LAMA2: variants seen among roughly 807,000 people sequenced by gnomAD.
LAMA2 encodes the protein laminin subunit alpha 2, also known as laminin subunit alpha-2.
LAMA2 carries 269 observed loss-of-function variants against 364.8 expected under a neutral mutation model. The observed-to-expected ratio is 0.74, with a 90% confidence interval of 0.67 to 0.82. The LOEUF (loss-of-function observed/expected upper bound fraction) is 0.82, where lower values mean the gene tolerates loss of function less well. LAMA2 is among the 40% of genes least tolerant of loss of function. The pLI, the probability that LAMA2 is intolerant of heterozygous loss-of-function variation, is 0.00. For synonymous variants in LAMA2, 1,379 were observed against 1,370.6 expected (o/e 1.01, Z -0.14); for missense variants, 3,807 against 3,873.2 (o/e 0.98, Z 0.45).
chr6:128,961,318 GAT>G lies in LAMA2; in HGVS notation c.112+78010_112+78011del, dbSNP rs58772123. Among the ~76,000 whole-genome samples, 175 of 57,552 alleles carry G rather than the reference GAT, an allele frequency of 3.0e-3. 2 individuals are homozygous for G. Among genetic ancestry groups the G allele is most frequent in the Middle Eastern group, 8.6e-3 (1 of 116 alleles). The allele number at this position is 57,552 out of a possible 152,430, so 37.8% of individuals were successfully genotyped here. On this transcript the variant is annotated intron_variant, in intron 1 of 64. Coordinates refer to ENST00000421865, the MANE Select transcript of LAMA2 (RefSeq NM_000426.4). ...TTCTGTAGAGGGACAGAACTAATAT[GAT>G]ATATATATATATATATATATATATA...
intron 1 of LAMA2, among the ~76,000 whole-genome samples, chr6:128,910,430 G>A (rs1464147352): frequency 2.6e-5 from 4 of 151,938 alleles, no homozygotes; most frequent in East Asian, 1.9e-4. Flanking sequence ...TGATCGCATC[G>A]GCTCCTGAGG....
intron 14 of LAMA2, among the ~76,000 whole-genome samples, chr6:129,253,554 A>G (rs547980348): frequency 1.3e-5 from 2 of 152,272 alleles, no homozygotes; most frequent in Non-Finnish European, 2.9e-5. Flanking sequence ...AATGCCATGG[A>G]GATGAGAAGC....
At chr6:129,380,984 GAC>G (rs1300623874) in intron 34 of LAMA2, among the ~76,000 whole-genome samples, 1 of 152,136 alleles carries the variant, frequency 6.6e-6, no homozygotes, top group African/African-American at 2.4e-5. Flanking sequence ...ATTTAAAAGA[GAC>G]AGTGTATGAT....
At chr6:129,065,759 A>G (rs1392254008) in intron 3 of LAMA2, among the ~76,000 whole-genome samples, 4 of 152,296 alleles carry the variant, frequency 2.6e-5, no homozygotes, top group South Asian at 4.1e-4. Flanking sequence ...TTGTACTCCA[A>G]TAATTCCCAT....
chr6:129,144,321 A>G (rs1417656078), intron 5 of LAMA2, among the ~76,000 whole-genome samples: 1 of 151,940 alleles, frequency 6.6e-6, no homozygotes, highest in Non-Finnish European at 1.5e-5. Context: ...AGCCTTCTCA[A>G]ACTTTAATTT....
chr6:129,051,661 TATA>T (rs1460299315), intron 2 of LAMA2, among the ~76,000 whole-genome samples: 1 of 39,272 alleles, frequency 2.5e-5, no homozygotes, highest in Non-Finnish European at 4.9e-5. Flanking sequence ...TTTACATATC[TATA>T]GATCGATCTA....
chr6:129,445,128 T>G (rs1014774413), intron 44 of LAMA2, among the ~76,000 whole-genome samples: 31 of 152,214 alleles, frequency 2.0e-4, no homozygotes, highest in Admixed American at 5.9e-4. Context: ...TTTAATTAAA[T>G]GTAGGCCTTT....
intron 2 of LAMA2, among the ~76,000 whole-genome samples, chr6:129,055,835 G>A (rs1398990786): frequency 1.3e-5 from 2 of 152,198 alleles, no homozygotes; most frequent in Non-Finnish European, 2.9e-5. Flanking sequence ...CCCTTGGATT[G>A]ACTTGCATAT....
At chr6:129,353,908 A>C (rs1382126553) in intron 32 of LAMA2, among the ~76,000 whole-genome samples, 1 of 152,214 alleles carries the variant, frequency 6.6e-6, no homozygotes, top group East Asian at 1.9e-4. Flanking sequence ...AGTGGAGAGC[A>C]GTTTGCTCTC....
intron 36 of LAMA2, among the ~76,000 whole-genome samples, chr6:129,392,368 C>T (rs1336460655): frequency 2.0e-5 from 3 of 152,116 alleles, no homozygotes; most frequent in Non-Finnish European, 2.9e-5. Context: ...GATTGTCAGA[C>T]CCCCTCCCAG....
At chr6:129,309,071 A>C (rs1774053433) in intron 22 of LAMA2, among the ~76,000 whole-genome samples, 1 of 152,218 alleles carries the variant, frequency 6.6e-6, no homozygotes, top group African/African-American at 2.4e-5. Context: ...ATTTATGAGC[A>C]TGTGTTTTAC....
chr6:129,300,924 TG>T (rs773473990), intron 22 of LAMA2, 52 bp downstream of exon 22: 33 of 1,524,386 alleles, frequency 2.2e-5, no homozygotes, highest in Non-Finnish European at 2.8e-5. Context: ...ATTTTTGTTT[TG>T]TAGAGCTCTG....
intron 7 of LAMA2, among the ~76,000 whole-genome samples, chr6:129,151,467 C>T (rs80170084): frequency 7.8e-4 from 119 of 152,224 alleles, no homozygotes; most frequent in Non-Finnish European, 1.2e-3. Flanking sequence ...GTGGGAGGAT[C>T]TCTTGAGCCC....
chr6:129,387,647 A>C (rs917632711), intron 35 of LAMA2, among the ~76,000 whole-genome samples: 2 of 152,244 alleles, frequency 1.3e-5, no homozygotes, highest in East Asian at 3.8e-4. Context: ...GATGGAACCA[A>C]CCCAAATGCC....
chr6:129,384,860 T>C (rs1347951921), intron 35 of LAMA2, among the ~76,000 whole-genome samples: 2 of 151,916 alleles, frequency 1.3e-5, no homozygotes, highest in African/African-American at 4.8e-5. Flanking sequence ...TGAAGTGCCA[T>C]GTGGGATAGC....
chr6:128,939,305 CT>C (rs1454354524), intron 1 of LAMA2, among the ~76,000 whole-genome samples: 1 of 151,042 alleles, frequency 6.6e-6, no homozygotes, highest in Non-Finnish European at 1.5e-5. Flanking sequence ...ACAGTTTATC[CT>C]GGAGGAAAGC....
intron 23 of LAMA2, among the ~76,000 whole-genome samples, chr6:129,314,432 T>C (rs2114498509): frequency 7.0e-6 from 1 of 143,558 alleles, no homozygotes; most frequent in African/African-American, 2.7e-5. Flanking sequence ...ACAATACCTT[T>C]AGTCTTATAT....
At chr6:128,930,532 T>A (rs1779405250) in intron 1 of LAMA2, among the ~76,000 whole-genome samples, 1 of 152,068 alleles carries the variant, frequency 6.6e-6, no homozygotes, top group Non-Finnish European at 1.5e-5. Flanking sequence ...GTGTAGAATA[T>A]ATAGATCAGT....
intron 1 of LAMA2, among the ~76,000 whole-genome samples, chr6:128,963,518 T>C (rs1781660232): frequency 7.1e-6 from 1 of 141,436 alleles, no homozygotes; most frequent in Non-Finnish European, 1.5e-5. Context: ...CACTGAGTAT[T>C]TTCCACAGAG....
Sources: gnomAD v4.1 joint callset for allele counts (sites outside exome capture counted in the v4.1 genomes callset) on GRCh38, gnomAD v4.1.1 for gene constraint, MANE v1.5 for transcripts, NCBI Gene and HGNC (gene_info 2026-07-23, HGNC 2026-07-21) for gene names.